The following PTTG1IP variants were observed in gnomAD, a reference collection of about 807,000 sequenced individuals.
PTTG1IP encodes pituitary tumor-transforming gene 1 protein-interacting protein.
A neutral mutation model predicts 24.4 loss-of-function variants in PTTG1IP; 16 were observed. That is an observed-to-expected ratio of 0.66 (90% CI 0.44 to 1.00). The LOEUF is 1.00. Ranked by LOEUF, PTTG1IP falls within the 50% of genes least tolerant of loss-of-function variation. PTTG1IP has a pLI of 0.00. For synonymous variants in PTTG1IP, 89 were observed against 96.8 expected (o/e 0.92, Z 0.47); for missense variants, 241 against 245.8 (o/e 0.98, Z 0.13).
chr21:44,856,137 T>G, intron 4 of PTTG1IP, 56 bp downstream of exon 4: 1 of 1,613,300 alleles, frequency 6.2e-7, no homozygotes, highest in Middle Eastern at 1.7e-4. Flanking sequence ...TCCATGGCCT[T>G]GCAGATCTGA....
chr21:44,861,787 T>C, intron 2 of PTTG1IP: 4 of 717,546 alleles, frequency 5.6e-6, no homozygotes, highest in Non-Finnish European at 1.0e-5. Flanking sequence ...CCTGTGCACT[T>C]CACTGGCTGA....
chr21:44,852,397 G>T (rs886094261), intron 5 of PTTG1IP, among the ~76,000 whole-genome samples: 1 of 152,060 alleles, frequency 6.6e-6, no homozygotes, highest in African/African-American at 2.4e-5. Context: ...GGTCAGGCTG[G>T]TCTCGAACTC....
At chr21:44,862,391 T>C (rs1457986440) in intron 2 of PTTG1IP, among the ~76,000 whole-genome samples, 1 of 152,170 alleles carries the variant, frequency 6.6e-6, no homozygotes, top group East Asian at 1.9e-4. Context: ...TGGTGGCACA[T>C]GCCTGTAATC....
chr21:44,862,719 CT>C (rs917411587), intron 2 of PTTG1IP, among the ~76,000 whole-genome samples: 1 of 152,202 alleles, frequency 6.6e-6, no homozygotes, highest in Non-Finnish European at 1.5e-5. Context: ...ACAATGTCCC[CT>C]GGGCCTTCTT....
chr21:44,870,590 T>C (rs754713201), intron 1 of PTTG1IP, among the ~76,000 whole-genome samples: 10 of 149,908 alleles, frequency 6.7e-5, no homozygotes, highest in Non-Finnish European at 1.3e-4. Flanking sequence ...AGACAAGCAG[T>C]GTTTATTTCT....
In PTTG1IP at chr21:44,858,698, C is replaced by T. The variant is rs540734615; in HGVS notation, c.278-2334G>A. On this transcript the variant is annotated intron_variant, in intron 3 of 5. Transcript: ENST00000330938. ...GCAGGGCTGGGTGTTGTGTGTCCAT[C>T]CACTTCTGCAGCCTAGCGTGGGGAT... Among the ~76,000 whole-genome samples the T allele has an allele frequency of 2.6e-5, 4 of 152,354 alleles. No homozygotes were observed. The South Asian group carries it at 8.3e-4, about 32-fold the overall frequency.
chr21:44,856,411 C>T, intron 3 of PTTG1IP, 47 bp from the exon 4 acceptor site: 1 of 1,563,542 alleles, frequency 6.4e-7, no homozygotes. Flanking sequence ...GACACAGAAC[C>T]CACCCAGCAC....
intron 3 of PTTG1IP, among the ~76,000 whole-genome samples, chr21:44,856,871 G>T (rs1416464123): frequency 6.6e-6 from 1 of 152,122 alleles, no homozygotes; most frequent in Non-Finnish European, 1.5e-5. Context: ...TGGCGGCCAG[G>T]TTCGAAAAGA....
chr21:44,872,847 A>C (rs2083599817), intron 1 of PTTG1IP: 1 of 152,302 alleles, frequency 6.6e-6, no homozygotes, highest in African/African-American at 2.4e-5. Flanking sequence ...ACGATGAAGA[A>C]TGCCACCTGC....
rs1271813747 is a variant in PTTG1IP, at chr21:44,850,678, A to G, written c.*903T>C. On this transcript the variant is annotated 3_prime_UTR_variant, in exon 6 of 6. Transcript: ENST00000330938. ...CGATCCCTAAATGGCCACCCCCCAGACAGCCCAACAGGCAGCGAGAGGCCT... is the reference window on the plus strand; with the variant it reads ...CGATCCCTAAATGGCCACCCCCCAGGCAGCCCAACAGGCAGCGAGAGGCCT... The G allele has an allele frequency of 6.6e-6, 1 of 152,312 alleles. No individual in the cohort carries two copies. Among genetic ancestry groups the G allele is most frequent in the Non-Finnish European group, 1.5e-5 (1 of 68,116 alleles). 9.4% of individuals were successfully genotyped at this position (152,312 alleles called of 1,614,324 possible).
chr21:44,851,455 C>T lies in PTTG1IP; in HGVS notation c.*126G>A, dbSNP rs1356554119. 6.2e-7 allele frequency: 1 copy of T among 1,609,646 alleles called. No homozygotes were observed. Among genetic ancestry groups the T allele is most frequent in the African/African-American group, 1.3e-5 (1 of 75,034 alleles). On this transcript the variant is annotated 3_prime_UTR_variant, in exon 6 of 6. Transcript: ENST00000330938. ...CAGGGGCAGCTCTCCGGCCGCCTGT[C>T]CTGGAAGGCTGGCAGGTTCACTGGC...
chr21:44,856,936 C>A (rs1003051601), intron 3 of PTTG1IP, among the ~76,000 whole-genome samples: 3 of 152,190 alleles, frequency 2.0e-5, no homozygotes, highest in Non-Finnish European at 4.4e-5. Flanking sequence ...ATCTTCAAAT[C>A]TGAGTGTTTT....
chr21:44,862,659 C>T (rs749592169), intron 2 of PTTG1IP, among the ~76,000 whole-genome samples: 5 of 152,210 alleles, frequency 3.3e-5, no homozygotes, highest in Admixed American at 2.6e-4. Context: ...AAAGTCATGG[C>T]GTTTTTGGCC....
At chr21:44,873,417 T>G in intron 1 of PTTG1IP, 85 bp downstream of exon 1, 1 of 1,186,514 alleles carries the variant, frequency 8.4e-7, no homozygotes. Context: ...CCCAGCGCCC[T>G]GGCCGAAACC....
intron 2 of PTTG1IP, chr21:44,861,939 G>A (rs888891198): frequency 1.6e-5 from 11 of 688,710 alleles, no homozygotes; most frequent in Admixed American, 4.1e-5. Flanking sequence ...GCACTAAGTC[G>A]CACAGCTTGA....
Position 44,850,065 on chromosome 21 carries a change from C to T in PTTG1IP, c.*1516G>A, listed in dbSNP as rs892509922. On this transcript the variant is annotated 3_prime_UTR_variant, in exon 6 of 6. Transcript: ENST00000330938. ...CAGCCTAGGAATGTTATTCCCGGTA[C>T]AGATGTACACAGTCAAAAAGGCTTA... 3.9e-5 allele frequency: 6 copies of T among 152,188 alleles called. No homozygotes were observed. The highest frequency in any genetic ancestry group is 1.4e-4 in the African/African-American group (6 of 41,432). 9.4% of individuals were successfully genotyped at this position (152,188 alleles called of 1,614,324 possible). A position where few individuals can be genotyped will look rare whatever the true frequency, so the allele number is the denominator to read the frequency against.
intron 1 of PTTG1IP, chr21:44,865,908 T>C (rs596566): frequency 0.69 from 161,633 of 235,612 alleles, 57,205 homozygotes; most frequent in African/African-American, 0.9. Context: ...CTTGTGTCTT[T>C]GGACTCACCT....
chr21:44,869,656 AAGG>A (rs1172873748), intron 1 of PTTG1IP, among the ~76,000 whole-genome samples: 2 of 152,348 alleles, frequency 1.3e-5, no homozygotes, highest in Middle Eastern at 3.4e-3. Flanking sequence ...TTTAAAAAAT[AAGG>A]AGATCTAGAG....
Position 44,851,495 on chromosome 21 carries a change from C to G in PTTG1IP, c.*86G>C. 6.2e-7 allele frequency: 1 copy of G among 1,613,498 alleles called. No individual in the cohort carries two copies. Among genetic ancestry groups the G allele is most frequent in the Non-Finnish European group, 8.5e-7 (1 of 1,179,960 alleles). On this transcript the variant is annotated 3_prime_UTR_variant, in exon 6 of 6. Coordinates refer to ENST00000330938, the MANE Select transcript of PTTG1IP (RefSeq NM_004339.4). ...GGTTCACTGGCCAAGGTCAGGAGAC[C>G]GCAATGGCCACGTGGTCTCCCGGCT...
Sources: gnomAD v4.1 joint callset for allele counts (sites outside exome capture counted in the v4.1 genomes callset) on GRCh38, gnomAD v4.1.1 for gene constraint, MANE v1.5 for transcripts, NCBI Gene and HGNC (gene_info 2026-07-23, HGNC 2026-07-21) for gene names.